Variants in SMC1B observed in about 807,000 individuals in gnomAD.
The protein encoded by SMC1B is structural maintenance of chromosomes 1B, also known as structural maintenance of chromosomes protein 1B.
A neutral mutation model predicts 157.9 loss-of-function variants in SMC1B; 60 were observed. That is an observed-to-expected ratio of 0.38 (90% CI 0.31 to 0.47). The LOEUF (loss-of-function observed/expected upper bound fraction) is 0.47. Ranked by LOEUF, SMC1B falls within the 20% of genes least tolerant of loss-of-function variation. SMC1B has a pLI of 0.99. For synonymous variants in SMC1B, 445 were observed against 483.0 expected (o/e 0.92, Z 1.03); for missense variants, 1,165 against 1,426.2 (o/e 0.82, Z 2.95).
rs2087124161 is a variant in SMC1B at position 45,396,388 on chromosome 22, T to G, written c.1212A>C (p.Glu404Asp). ...TCCTCTTTTCAAATGCCAGTCTTTCTTCATCTGTCTTCTGTTCCCACTGCA... is the reference window on the plus strand; with the variant it reads ...TCCTCTTTTCAAATGCCAGTCTTTCGTCATCTGTCTTCTGTTCCCACTGCA... The part of the protein sequence containing the change: ...EKLQWEQKTD[E>D]ERLAFEKRRH... The change falls in exon 7 of 25, where the codon GAA becomes GAC. Residue 404 changes from glutamate (E) to aspartate (D), a missense_variant. Physicochemically the swap from Glu to Asp is conservative, Grantham distance 45. Coordinates refer to ENST00000357450, the MANE Select transcript of SMC1B (RefSeq NM_148674.5). 1 of 1,613,328 alleles carries G rather than the reference T, an allele frequency of 6.2e-7. No individual in the cohort carries two copies. The highest frequency in any genetic ancestry group is 1.7e-5 in the Admixed American group (1 of 59,894).
In SMC1B at chr22:45,386,986, T is replaced by C. The variant is rs565045961; in HGVS notation, c.1792A>G (p.Ile598Val). The C allele has an allele frequency of 1.2e-6, 2 of 1,613,998 alleles. No homozygotes were observed. The highest frequency in any genetic ancestry group is 1.3e-5 in the African/African-American group (1 of 74,956). The stretch of plus-strand genomic sequence containing the variant: ...TTCAGCTGAGGAAACTGAGTCTTTA[T>C]GACATCAATCACCATTTTACAGCCT... Reference protein sequence around the residue: ...LKGCKMVIDVIKTQFPQLKKV... With the variant: ...LKGCKMVIDVVKTQFPQLKKV... The change falls in exon 11 of 25, where the codon ATA becomes GTA. Residue 598 changes from isoleucine to valine, a missense_variant. Physicochemically the swap from Ile to Val is conservative, Grantham distance 29. Coordinates refer to ENST00000357450, the MANE Select transcript of SMC1B (RefSeq NM_148674.5).
At chr22:45,393,891 G>A (rs1386277595) in intron 8 of SMC1B, 50 bp from the exon 9 acceptor site, 1 of 1,333,718 alleles carries the variant, frequency 7.5e-7, no homozygotes, top group Non-Finnish European at 1.0e-6. Flanking sequence ...CAAAATTTAG[G>A]AATTACCAGG....
intron 15 of SMC1B, among the ~76,000 whole-genome samples, chr22:45,366,015 G>GGTTTGTTT (rs144251068): frequency 7.3e-5 from 11 of 151,680 alleles, no homozygotes; most frequent in African/African-American, 2.7e-4. Flanking sequence ...TTGTTTTTTG[G>GGTTTGTTT]GTTTGTTTGT....
chr22:45,397,012 A>G (rs1326125905), intron 6 of SMC1B, among the ~76,000 whole-genome samples: 3 of 152,156 alleles, frequency 2.0e-5, no homozygotes, highest in Non-Finnish European at 4.4e-5. Flanking sequence ...TCGACAAACA[A>G]CCACATTTTT....
rs757248309 is a variant in SMC1B, at chr22:45,344,491, G to A, written c.*65C>T. On this transcript the variant is annotated 3_prime_UTR_variant, in exon 25 of 25. Transcript: ENST00000357450. ...CTGCTTGCTCCAGAAGTCTCCTGTG[G>A]AGGAGCTGTGTGAGTATTAGAGTGG... 2 of 1,168,508 alleles carry A rather than the reference G, an allele frequency of 1.7e-6. No individual in the cohort carries two copies. The highest frequency in any genetic ancestry group is 2.6e-6 in the Non-Finnish European group (2 of 779,490). The allele number at this position is 1,168,508 out of a possible 1,614,324, so 72.4% of individuals were successfully genotyped here.
At chr22:45,373,953 TA>T (rs1182642157) in intron 12 of SMC1B, among the ~76,000 whole-genome samples, 3 of 151,722 alleles carry the variant, frequency 2.0e-5, no homozygotes, top group Non-Finnish European at 4.4e-5. Flanking sequence ...GAAAACATTC[TA>T]AAAAAAAGGG....
chr22:45,370,170 C>CCA (rs1197931968), intron 14 of SMC1B, 110 bp from the exon 15 acceptor site: 3 of 565,710 alleles, frequency 5.3e-6, no homozygotes, highest in Non-Finnish European at 9.0e-6. Flanking sequence ...AAAACTAATC[C>CCA]CACCAAGCAT....
At chr22:45,401,045 T>C (rs1217941816) in intron 5 of SMC1B, among the ~76,000 whole-genome samples, 1 of 152,238 alleles carries the variant, frequency 6.6e-6, no homozygotes, top group African/African-American at 2.4e-5. Context: ...TGTAATATGG[T>C]ATTCTGGATC....
intron 15 of SMC1B, among the ~76,000 whole-genome samples, chr22:45,364,356 T>C (rs2086751963): frequency 6.6e-6 from 1 of 152,102 alleles, no homozygotes; most frequent in Admixed American, 6.5e-5. Flanking sequence ...ATACTGCTAA[T>C]ATAAAAACAA....
intron 4 of SMC1B, among the ~76,000 whole-genome samples, chr22:45,404,588 C>T (rs991519028): frequency 1.3e-5 from 2 of 152,210 alleles, no homozygotes; most frequent in African/African-American, 2.4e-5. Context: ...CTCTACAATC[C>T]GTTATCTTAA....
At chr22:45,375,006 A>G (rs920712572) in intron 12 of SMC1B, among the ~76,000 whole-genome samples, 2 of 152,166 alleles carry the variant, frequency 1.3e-5, no homozygotes, top group Admixed American at 6.5e-5. Flanking sequence ...TTAAAAAGAA[A>G]AGGGGGGAAA....
chr22:45,382,446 G>A, intron 12 of SMC1B, among the ~76,000 whole-genome samples: 1 of 152,202 alleles, frequency 6.6e-6, no homozygotes, highest in Admixed American at 6.5e-5. Context: ...AGATTGGGTT[G>A]TGAGGCCCCA....
intron 2 of SMC1B, among the ~76,000 whole-genome samples, chr22:45,407,190 A>G (rs2087271864): frequency 6.6e-6 from 1 of 152,202 alleles, no homozygotes; most frequent in African/African-American, 2.4e-5. Flanking sequence ...AGGTCATGCA[A>G]ACTTGCCTCC....
chr22:45,346,206 A>G (rs985766836), intron 23 of SMC1B, among the ~76,000 whole-genome samples: 4 of 152,162 alleles, frequency 2.6e-5, no homozygotes, highest in African/African-American at 9.7e-5. Context: ...GACTCCATCT[A>G]ACAACAAGAA....
chr22:45,403,076 A>G (rs890452976), intron 4 of SMC1B, among the ~76,000 whole-genome samples: 1 of 152,258 alleles, frequency 6.6e-6, no homozygotes, highest in Non-Finnish European at 1.5e-5. Flanking sequence ...TTAAAGAAAT[A>G]AAGGAACAGG....
At chr22:45,372,117 G>A (rs749491091) in intron 13 of SMC1B, 38 bp downstream of exon 13, 7 of 1,536,444 alleles carry the variant, frequency 4.6e-6, no homozygotes, top group Non-Finnish European at 6.2e-6. Flanking sequence ...TATGTTCTGG[G>A]TCAAATGCCT....
At chr22:45,398,659 G>A (rs906244188) in intron 6 of SMC1B, among the ~76,000 whole-genome samples, 11 of 152,084 alleles carry the variant, frequency 7.2e-5, no homozygotes, top group Non-Finnish European at 1.2e-4. Context: ...GAGAAACCCC[G>A]TCTCTACTAA....
intron 5 of SMC1B, among the ~76,000 whole-genome samples, chr22:45,401,231 T>C (rs1446441353): frequency 1.3e-5 from 2 of 152,178 alleles, no homozygotes; most frequent in African/African-American, 4.8e-5. Flanking sequence ...AAATAAATTA[T>C]TTAGGCAGAT....
chr22:45,372,409 C>T (rs2086842317), intron 12 of SMC1B, 117 bp from the exon 13 acceptor site: 16 of 781,844 alleles, frequency 2.0e-5, no homozygotes, highest in Non-Finnish European at 2.1e-5. Context: ...CTGCACCTTA[C>T]CTCCCTTTCC....
Sources: allele counts gnomAD v4.1 joint callset (sites outside exome capture counted in the v4.1 genomes callset), GRCh38; gene constraint gnomAD v4.1.1; transcripts MANE v1.5; gene names NCBI Gene and HGNC (gene_info 2026-07-23, HGNC 2026-07-21).